Variants in MYO7B observed in about 807,000 individuals in gnomAD.
MYO7B encodes the protein myosin VIIB.
MYO7B carries 212 observed loss-of-function variants against 259.7 expected under a neutral mutation model. That is an observed-to-expected ratio of 0.82 (90% confidence interval 0.73 to 0.91). MYO7B has a LOEUF of 0.91. Among genes scored for constraint, MYO7B ranks in the 40% least tolerant of loss-of-function variants. MYO7B has a pLI of 0.00. For synonymous variants in MYO7B, 1,197 were observed against 1,166.4 expected, an observed-to-expected ratio of 1.03 and a Z score of -0.54; for missense variants, 2,732 against 2,813.5, an observed-to-expected ratio of 0.97 and a Z score of 0.66.
chr2:127,539,682 TA>T lies in MYO7B; in HGVS notation c.-24+3862del, dbSNP rs34553127. Among the ~76,000 whole-genome samples, 27,791 of 148,600 alleles carry T rather than the reference TA, an allele frequency of 0.19. 4,826 individuals carry two copies. The highest frequency in any genetic ancestry group is 0.46 in the African/African-American group (18,687 of 40,946). ...GGACTTCCTTGAGGGCTATTTCTTT[TA>T]AAAAAAAAAACTCCATAGTTTTTAA... On this transcript the variant is annotated intron_variant, in intron 1 of 47. Coordinates refer to ENST00000409816, the MANE Select transcript of MYO7B (RefSeq NM_001393586.1). The surrounding 1 kb of genome is among the most constrained non-coding windows in gnomAD (Gnocchi z 4.0).
At position 127,609,020 on chromosome 2, in the gene MYO7B, G is replaced by A. The variant is rs952873049; in HGVS notation, c.2814+142G>A. On this transcript the variant is annotated intron_variant, in intron 22 of 47. Coordinates refer to ENST00000409816, the MANE Select transcript of MYO7B (RefSeq NM_001393586.1). This position sits in a 1 kb window ranked among gnomAD's most constrained non-coding sequence, Gnocchi z 6.9. ...TGCTGCAGCCCTGCTGGTCCCACACGGAAGAGGGGAGCGTGCGTGGGTTCT... is the reference window on the plus strand; with the variant it reads ...TGCTGCAGCCCTGCTGGTCCCACACAGAAGAGGGGAGCGTGCGTGGGTTCT... 2.1e-5 allele frequency: 24 copies of A among 1,155,024 alleles called. No individual in the cohort carries two copies. Among genetic ancestry groups the A allele is most frequent in the African/African-American group, 2.0e-4 (13 of 64,608 alleles). 71.5% of individuals were successfully genotyped at this position (1,155,024 alleles called of 1,614,324 possible). A position where few individuals can be genotyped will look rare whatever the true frequency, so the allele number is the denominator to read the frequency against.
intron 12 of MYO7B, among the ~76,000 whole-genome samples, chr2:127,582,743 G>A (rs1236379682): frequency 2.0e-5 from 1 of 49,126 alleles, no homozygotes; most frequent in African/African-American, 1.0e-4. Flanking sequence ...GGTTGAAACA[G>A]AAATCAATAA....
At chr2:127,555,979 G>A (rs566482276) in intron 1 of MYO7B, among the ~76,000 whole-genome samples, 1 of 152,310 alleles carries the variant, frequency 6.6e-6, no homozygotes, top group Non-Finnish European at 1.5e-5. Flanking sequence ...GACCTGCCTA[G>A]TGCTGCCAGT....
chr2:127,552,704 C>A (rs1693492301), intron 1 of MYO7B, among the ~76,000 whole-genome samples: 1 of 152,090 alleles, frequency 6.6e-6, no homozygotes, highest in South Asian at 2.1e-4. Flanking sequence ...CACGGGTGGG[C>A]CTCAAACTTC....
rs1692903354 is a variant in MYO7B at position 127,539,034 on chromosome 2, C to G, written c.-24+3203C>G. Reference sequence around the variant, plus strand: ...GGAAAACTTTCAGCACAGTGTCTGTCTGAGCTCCTACTCTGTTCTGGGGGC... The same window carrying G: ...GGAAAACTTTCAGCACAGTGTCTGTGTGAGCTCCTACTCTGTTCTGGGGGC... On this transcript the variant is annotated intron_variant, in intron 1 of 47. Coordinates refer to ENST00000409816, the MANE Select transcript of MYO7B (RefSeq NM_001393586.1). The surrounding 1 kb of genome is among the most constrained non-coding windows in gnomAD (Gnocchi z 4.0). 6.6e-6 allele frequency among the ~76,000 whole-genome samples: 1 copy of G among 152,180 alleles called. No homozygotes were observed. The highest frequency in any genetic ancestry group is 1.5e-5 in the Non-Finnish European group (1 of 68,034).
rs541262862 is a variant in MYO7B, at chr2:127,565,511, G to T, written c.285+126G>T. ...GCCCTCACTGAGGGAGGTGGGCGAG[G>T]TGCCTAACTTTTCCCAATCTCTGCT... is the stretch of plus-strand genomic sequence containing the variant. On this transcript the variant is annotated intron_variant, in intron 4 of 47. Coordinates refer to ENST00000409816, the MANE Select transcript of MYO7B (RefSeq NM_001393586.1). 9 of 1,303,914 alleles carry T rather than the reference G, an allele frequency of 6.9e-6. No individual in the cohort carries two copies. The African/African-American group carries it at 7.4e-5, about 11-fold the overall frequency. 80.8% of individuals were successfully genotyped at this position (1,303,914 alleles called of 1,614,324 possible).
In MYO7B at chr2:127,611,875, C is replaced by T. The variant is rs1200457902; in HGVS notation, c.3193-375C>T. 6.6e-6 allele frequency among the ~76,000 whole-genome samples: 1 copy of T among 152,138 alleles called. No individual in the cohort carries two copies. Among genetic ancestry groups the T allele is most frequent in the East Asian group, 1.9e-4 (1 of 5,168 alleles). On this transcript the variant is annotated intron_variant, in intron 24 of 47. Transcript: ENST00000409816. This position sits in a 1 kb window ranked among gnomAD's most constrained non-coding sequence, Gnocchi z 5.4. Reference sequence around the variant, plus strand: ...CTATCTTTACTGAGAATGACCATGGCCTGGGGCTGTCCTAAGCACCTGGGC... The same window carrying T: ...CTATCTTTACTGAGAATGACCATGGTCTGGGGCTGTCCTAAGCACCTGGGC...
At chr2:127,571,720 T>C (rs1678637858) in intron 6 of MYO7B, among the ~76,000 whole-genome samples, 1 of 152,166 alleles carries the variant, frequency 6.6e-6, no homozygotes, top group Non-Finnish European at 1.5e-5. Context: ...CCTCAGGTGA[T>C]CCACCCGCCT....
rs1001043090 is a variant in MYO7B at position 127,584,633 on chromosome 2, C to G, written c.1555-145C>G. 3.0e-6 allele frequency: 3 copies of G among 1,005,902 alleles called. No homozygotes were observed. The highest frequency in any genetic ancestry group is 5.3e-5 in the Admixed American group (2 of 37,494). The allele number at this position is 1,005,902 out of a possible 1,614,324, so 62.3% of individuals were successfully genotyped here. A position where few individuals can be genotyped will look rare whatever the true frequency, so the allele number is the denominator to read the frequency against. On this transcript the variant is annotated intron_variant, in intron 13 of 47. Transcript: ENST00000409816. The surrounding 1 kb of genome is among the most constrained non-coding windows in gnomAD (Gnocchi z 5.8). ...CACTCCCTGCAACAAGTCACTGACC[C>G]CTGGGCATTAGTTTCCTGTCTGTAC...
chr2:127,599,205 T>C (rs1318869532), intron 19 of MYO7B, among the ~76,000 whole-genome samples: 4 of 152,214 alleles, frequency 2.6e-5, no homozygotes, highest in Admixed American at 1.3e-4. Context: ...CGTAGCTCCA[T>C]TTATTTAGCT....
Position 127,609,473 on chromosome 2 carries a change from C to T in MYO7B, c.2815-33C>T. 5.7e-6 allele frequency: 9 copies of T among 1,583,082 alleles called. No individual in the cohort carries two copies. Among genetic ancestry groups the T allele is most frequent in the Non-Finnish European group, 7.7e-6 (9 of 1,163,568 alleles). On this transcript the variant is annotated intron_variant, in intron 22 of 47. Transcript: ENST00000409816. This position sits in a 1 kb window ranked among gnomAD's most constrained non-coding sequence, Gnocchi z 6.9. ...ATGGGTTGGTTGTTACCTGAAAGCC[C>T]TGCTGACCCGTGTTCTCCCTCAATG...
At chr2:127,592,548 A>C (rs1218690110) in intron 16 of MYO7B, among the ~76,000 whole-genome samples, 1 of 151,976 alleles carries the variant, frequency 6.6e-6, no homozygotes, top group African/African-American at 2.4e-5. Context: ...CATGCTATCG[A>C]CTTTTATCTC....
intron 19 of MYO7B, among the ~76,000 whole-genome samples, chr2:127,598,088 G>C (rs1679838804): frequency 6.6e-6 from 1 of 152,310 alleles, no homozygotes; most frequent in East Asian, 1.9e-4. Context: ...TGAGGTTTTT[G>C]TGAGAACATC....
At chr2:127,583,673 G>A (rs1403911739) in intron 12 of MYO7B, among the ~76,000 whole-genome samples, 2 of 152,208 alleles carry the variant, frequency 1.3e-5, no homozygotes, top group Admixed American at 6.5e-5. Flanking sequence ...TGGGAACAGG[G>A]GCAGTAGGGC....
At chr2:127,560,021 TTTTC>T (rs1678005611) in intron 2 of MYO7B, among the ~76,000 whole-genome samples, 1 of 131,764 alleles carries the variant, frequency 7.6e-6, no homozygotes, top group Non-Finnish European at 1.6e-5. Flanking sequence ...TTTTCTTTTC[TTTTC>T]TTTTCTTTTT....
chr2:127,584,012 A>G lies in MYO7B; in HGVS notation c.1344-110A>G, dbSNP rs148969909. ...ACACGAGGTGTGCATCTGTGGGCATATCTGTATGCAGCTGTTTGCAGATGG... is the reference window on the plus strand; with the variant it reads ...ACACGAGGTGTGCATCTGTGGGCATGTCTGTATGCAGCTGTTTGCAGATGG... On this transcript the variant is annotated intron_variant, in intron 12 of 47. Transcript: ENST00000409816. The surrounding 1 kb of genome is among the most constrained non-coding windows in gnomAD (Gnocchi z 5.8). 2.1e-6 allele frequency: 2 copies of G among 937,062 alleles called. No individual in the cohort carries two copies. The highest frequency in any genetic ancestry group is 3.3e-6 in the Non-Finnish European group (2 of 605,416). The allele number at this position is 937,062 out of a possible 1,614,324, so 58.0% of individuals were successfully genotyped here.
rs756201946 is a variant in MYO7B, at chr2:127,636,882, G to A, written c.6296G>A (p.Arg2099His). Residue 2099 changes from arginine to histidine, a missense_variant, in exon 47 of 48, where the codon CGT becomes CAT. Arg to His is a conservative substitution (Grantham distance 29, BLOSUM62 0). This residue lies in a region of MYO7B where 821 missense variants were observed against 769.3 expected (regional missense o/e 1.07). Transcript: ENST00000409816. The surrounding 1 kb of genome is among the most constrained non-coding windows in gnomAD (Gnocchi z 4.5). ...CACATGGCGCTGGGGAGCCTGGGCC[G>A]TGGCAGCCGCCTGCTGTGCGAGACC... is the stretch of plus-strand genomic sequence containing the variant. The part of the protein sequence containing the change: ...YFHMALGSLG[R>H]GSRLLCETSL... 1.1e-5 allele frequency: 17 copies of A among 1,613,182 alleles called. No individual in the cohort carries two copies. Among genetic ancestry groups the A allele is most frequent in the South Asian group, 6.6e-5 (6 of 91,078 alleles).
chr2:127,623,780 A>G (rs1680964415), intron 29 of MYO7B, among the ~76,000 whole-genome samples: 1 of 151,956 alleles, frequency 6.6e-6, no homozygotes, highest in African/African-American at 2.4e-5. Context: ...GGCACCCCCA[A>G]TTCCACGCCC....
At chr2:127,622,810 A>G (rs568765451) in intron 28 of MYO7B, among the ~76,000 whole-genome samples, 1 of 152,314 alleles carries the variant, frequency 6.6e-6, no homozygotes, top group African/African-American at 2.4e-5. Context: ...TAAAGGCCCC[A>G]AAATGTTCCC....
Sources: gnomAD v4.1 joint callset for allele counts (sites outside exome capture counted in the v4.1 genomes callset) on GRCh38, gnomAD v4.1.1 for gene constraint, gnomAD v4.1.1 regional missense constraint, Gnocchi (gnomAD v3.1) non-coding constraint, MANE v1.5 for transcripts, NCBI Gene and HGNC (gene_info 2026-07-23, HGNC 2026-07-21) for gene names.